Variants in AK8 observed in about 807,000 individuals in gnomAD.
AK8 encodes adenylate kinase 8, also known as ATP-AMP transphosphorylase 8.
AK8 carries 44 observed loss-of-function variants against 54.6 expected under a neutral mutation model. The ratio of observed to expected loss-of-function variants is 0.81; its 90% CI spans 0.63 to 1.04. The LOEUF is 1.04. Ranked by LOEUF, AK8 falls within the 50% of genes least tolerant of loss-of-function variation. The pLI is 0.00. For synonymous variants in AK8, 239 were observed against 245.6 expected (o/e 0.97, Z 0.25); for missense variants, 555 against 613.6 (o/e 0.90, Z 1.01).
rs1588193324 is a variant in AK8, at chr9:132,837,309, A to C, written c.403-8583T>G. On this transcript the variant is annotated intron_variant, in intron 5 of 12. Transcript: ENST00000298545. This position sits in a 1 kb window ranked among gnomAD's most constrained non-coding sequence, Gnocchi z 4.3. ...ACTCCAGCCTGGGTGACAGAGCAAG[A>C]CTCCATCTCGAAAAAAAAAAAAAAA... Among the ~76,000 whole-genome samples the C allele has an allele frequency of 7.0e-6, 1 of 141,946 alleles. No homozygotes were observed. The highest frequency in any genetic ancestry group is 2.1e-4 in the East Asian group (1 of 4,850). The allele number at this position is 141,946 out of a possible 152,430, so 93.1% of individuals were successfully genotyped here.
intron 1 of AK8, among the ~76,000 whole-genome samples, chr9:132,877,217 T>C (rs1163470147): frequency 1.3e-5 from 2 of 152,202 alleles, no homozygotes; most frequent in Non-Finnish European, 2.9e-5. Context: ...GATTTGTGAT[T>C]GGCCACTCAA....
At chr9:132,849,003 G>C (rs772538563) in intron 5 of AK8, among the ~76,000 whole-genome samples, 1 of 151,020 alleles carries the variant, frequency 6.6e-6, no homozygotes, top group Non-Finnish European at 1.5e-5. Context: ...CTGCCTCTTG[G>C]GTTCAAGCGA....
chr9:132,823,070 C>A, intron 9 of AK8, 135 bp downstream of exon 9: 1 of 1,276,082 alleles, frequency 7.8e-7, no homozygotes, highest in Non-Finnish European at 1.0e-6. Context: ...TGGTTAAGAA[C>A]AAAGAGCCAG....
At chr9:132,817,578 A>G (rs1238688018) in intron 9 of AK8, among the ~76,000 whole-genome samples, 2 of 152,248 alleles carry the variant, frequency 1.3e-5, no homozygotes, top group Non-Finnish European at 2.9e-5. Flanking sequence ...GACCTGGAAA[A>G]TACAGTATCT....
chr9:132,824,660 G>A (rs900049461), intron 8 of AK8, among the ~76,000 whole-genome samples: 2 of 152,178 alleles, frequency 1.3e-5, no homozygotes, highest in Non-Finnish European at 2.9e-5. Flanking sequence ...CCGGGGTTGC[G>A]GTGGGGGCAA....
At chr9:132,845,893 T>C (rs933837530) in intron 5 of AK8, among the ~76,000 whole-genome samples, 18 of 101,334 alleles carry the variant, frequency 1.8e-4, no homozygotes, top group African/African-American at 3.7e-4. Flanking sequence ...CTCAGTGAGG[T>C]AGAAATTTTT....
intron 11 of AK8, among the ~76,000 whole-genome samples, chr9:132,787,206 G>A (rs1057174327): frequency 4.6e-5 from 7 of 152,090 alleles, no homozygotes; most frequent in Non-Finnish European, 7.4e-5. Flanking sequence ...ATAGAAAAAA[G>A]GGGAAAAAAT....
intron 5 of AK8, 76 bp from the exon 6 acceptor site, chr9:132,828,802 A>T: frequency 8.6e-7 from 1 of 1,164,112 alleles, no homozygotes; most frequent in Non-Finnish European, 1.2e-6. Flanking sequence ...AAGGAATATA[A>T]TAGCTTTATA....
Position 132,804,336 on chromosome 9 carries a change from G to A in AK8, c.979+10302C>T, listed in dbSNP as rs76373006. Among the ~76,000 whole-genome samples the A allele has an allele frequency of 2.6e-3, 403 of 152,180 alleles. 10 individuals carry two copies. In the East Asian group the frequency reaches 0.058, roughly 22 times the overall value. On this transcript the variant is annotated intron_variant, in intron 10 of 12. Transcript: ENST00000298545. ...TGACTCCTCAGCCCTTGAAGCAGCC[G>A]GCCGAGCAGACAGCGTGAGCAGAAA...
At chr9:132,766,881 G>A (rs558879001) in intron 11 of AK8, among the ~76,000 whole-genome samples, 1 of 152,138 alleles carries the variant, frequency 6.6e-6, no homozygotes, top group Non-Finnish European at 1.5e-5. Context: ...AGTGGAGAAG[G>A]GGCAGTCTCT....
chr9:132,860,437 C>T lies in AK8; in HGVS notation c.333+3228G>A, dbSNP rs551683570. On this transcript the variant is annotated intron_variant, in intron 4 of 12. Coordinates refer to ENST00000298545, the MANE Select transcript of AK8 (RefSeq NM_152572.3). This position sits in a 1 kb window ranked among gnomAD's most constrained non-coding sequence, Gnocchi z 4.4. ...CTCAGAGCTTGCTGGGCAAGGGAGT[C>T]AGCCAGCATCGTTCACATCTGGCGG... Among the ~76,000 whole-genome samples the T allele has an allele frequency of 6.6e-4, 100 of 152,310 alleles. 1 individual carries two copies. Among genetic ancestry groups the T allele is most frequent in the Middle Eastern group, 3.4e-3 (1 of 294 alleles).
intron 5 of AK8, among the ~76,000 whole-genome samples, chr9:132,834,408 C>T (rs1315360310): frequency 2.0e-5 from 3 of 152,176 alleles, no homozygotes; most frequent in African/African-American, 7.2e-5. Flanking sequence ...CCTAGGATGC[C>T]GTCCATATTC....
At chr9:132,801,084 C>T (rs960006412) in intron 10 of AK8, among the ~76,000 whole-genome samples, 2 of 152,006 alleles carry the variant, frequency 1.3e-5, no homozygotes, top group African/African-American at 4.8e-5. Flanking sequence ...GCCACCAGGC[C>T]CGGCTAATTT....
intron 11 of AK8, among the ~76,000 whole-genome samples, chr9:132,787,028 G>A (rs1044171200): frequency 6.6e-6 from 1 of 152,018 alleles, no homozygotes; most frequent in Non-Finnish European, 1.5e-5. Flanking sequence ...AATGTTGGAA[G>A]AGAAAGTTGA....
intron 9 of AK8, among the ~76,000 whole-genome samples, chr9:132,821,267 T>C (rs1367667191): frequency 6.6e-5 from 10 of 151,818 alleles, no homozygotes; most frequent in Admixed American, 5.9e-4. Flanking sequence ...CGAGTGCCCC[T>C]CCACGCTCAC....
At chr9:132,814,584 A>C (rs895475885) in intron 10 of AK8, 54 bp downstream of exon 10, 6 of 1,538,206 alleles carry the variant, frequency 3.9e-6, no homozygotes, top group Admixed American at 1.9e-5. Flanking sequence ...GCACAAAAAG[A>C]AAGTTCTCTC....
rs368527163 is a variant in AK8, at chr9:132,797,918, C to T, written c.980-5143G>A. On this transcript the variant is annotated intron_variant, in intron 10 of 12. Coordinates refer to ENST00000298545, the MANE Select transcript of AK8 (RefSeq NM_152572.3). ...CTGCCCAGAAGCCTGGCATCACGGG[C>T]ACTTGCCCACATCTGCCTGTGTTAG... Among the ~76,000 whole-genome samples the T allele has an allele frequency of 9.8e-5, 15 of 152,354 alleles. No homozygotes were observed. In the East Asian group the frequency reaches 1.4e-3, roughly 14 times the overall value.
At chr9:132,747,688 C>T (rs1837719440) in intron 11 of AK8, among the ~76,000 whole-genome samples, 2 of 150,954 alleles carry the variant, frequency 1.3e-5, no homozygotes, top group South Asian at 4.2e-4. Context: ...GCCTCGGCCT[C>T]CCAAAGTGCT....
chr9:132,865,632 G>A (rs1300633607), intron 3 of AK8, among the ~76,000 whole-genome samples: 1 of 151,972 alleles, frequency 6.6e-6, no homozygotes, highest in African/African-American at 2.4e-5. Flanking sequence ...GGCCAACATG[G>A]TGAAACCCCG....
Sources: gnomAD v4.1 joint callset for allele counts (sites outside exome capture counted in the v4.1 genomes callset) on GRCh38, gnomAD v4.1.1 for gene constraint, Gnocchi (gnomAD v3.1) non-coding constraint, MANE v1.5 for transcripts, NCBI Gene and HGNC (gene_info 2026-07-23, HGNC 2026-07-21) for gene names.